PCDHGA3: variants seen among roughly 807,000 people sequenced by gnomAD.
The protein encoded by PCDHGA3 is protocadherin gamma-A3.
In PCDHGA3, 40 loss-of-function variants were observed where a neutral mutation model predicts 58.5. The observed-to-expected ratio is 0.68, with a 90% CI of 0.53 to 0.89. The LOEUF (loss-of-function observed/expected upper bound fraction) is 0.89, where lower values mean the gene tolerates loss of function less well. Among genes scored for constraint, PCDHGA3 ranks in the 40% least tolerant of loss-of-function variants. PCDHGA3 has a pLI of 0.00. For missense variants in PCDHGA3, 1,223 were observed against 1,195.9 expected (o/e 1.02, Z -0.33); for synonymous variants, 530 against 525.7 (o/e 1.01, Z -0.11).
intron 1 of PCDHGA3, chr5:141,365,548 A>G: frequency 6.2e-7 from 1 of 1,613,806 alleles, no homozygotes; most frequent in Non-Finnish European, 8.5e-7. Flanking sequence ...ACCTATTAAC[A>G]ACTAGGGACC....
chr5:141,481,207 C>T (rs1287298617), intron 1 of PCDHGA3, among the ~76,000 whole-genome samples: 3 of 152,154 alleles, frequency 2.0e-5, no homozygotes, highest in Non-Finnish European at 1.5e-5. Flanking sequence ...TTTTAAAAAA[C>T]ATGGTAAGGT....
At chr5:141,364,994 C>A (rs1469218354) in intron 1 of PCDHGA3, 1 of 1,613,924 alleles carries the variant, frequency 6.2e-7, no homozygotes, top group South Asian at 1.1e-5. Context: ...AGACCCGGTA[C>A]TCTCCGGCAC....
Position 141,476,209 on chromosome 5 carries a change from G to T in PCDHGA3, c.2425-18598G>T, listed in dbSNP as rs749576231. On this transcript the variant is annotated intron_variant, in intron 1 of 3. Coordinates refer to ENST00000253812, the MANE Select transcript of PCDHGA3 (RefSeq NM_018916.4). The surrounding 1 kb of genome is among the most constrained non-coding windows in gnomAD (Gnocchi z 7.6). ...TTGGTGCCTTGAACAAGGCTTCCAC[G>T]GTCATTCACTATGAGATCCCGGAGG... The T allele has an allele frequency of 6.2e-6, 10 of 1,613,974 alleles. No individual in the cohort carries two copies. Among genetic ancestry groups the T allele is most frequent in the Non-Finnish European group, 8.5e-6 (10 of 1,180,026 alleles).
intron 1 of PCDHGA3, chr5:141,382,631 T>G: frequency 2.7e-6 from 1 of 365,186 alleles, no homozygotes; most frequent in South Asian, 9.0e-5. Flanking sequence ...TGTGCATCAA[T>G]GTGGTGCAGT....
intron 1 of PCDHGA3, chr5:141,424,083 C>T (rs2096798692): frequency 4.2e-6 from 4 of 957,190 alleles, no homozygotes; most frequent in Non-Finnish European, 5.1e-6. Flanking sequence ...TATATTCCAC[C>T]ATTATTTGCT....
Position 141,431,877 on chromosome 5 carries a change from AC to A in PCDHGA3, c.2425-62928del. 1 of 1,614,230 alleles carries A rather than the reference AC, an allele frequency of 6.2e-7. No individual in the cohort carries two copies. The highest frequency in any genetic ancestry group is 1.3e-5 in the African/African-American group (1 of 75,070). ...TTAATTGCCCTTTTAAATGTAAATGACCAAGATTCTGAGGAAAACGGACAGG... is the reference window on the plus strand; with the variant it reads ...TTAATTGCCCTTTTAAATGTAAATGACAAGATTCTGAGGAAAACGGACAGG... On this transcript the variant is annotated intron_variant, in intron 1 of 3. Coordinates refer to ENST00000253812, the MANE Select transcript of PCDHGA3 (RefSeq NM_018916.4). The surrounding 1 kb of genome is among the most constrained non-coding windows in gnomAD (Gnocchi z 4.8).
chr5:141,369,621 C>T (rs1255765224), intron 1 of PCDHGA3, among the ~76,000 whole-genome samples: 2 of 152,294 alleles, frequency 1.3e-5, no homozygotes, highest in East Asian at 1.9e-4. Flanking sequence ...ATCATTTCCT[C>T]ATTACCTTTA....
intron 1 of PCDHGA3, among the ~76,000 whole-genome samples, chr5:141,358,035 A>C (rs1288596535): frequency 6.6e-6 from 1 of 152,126 alleles, no homozygotes; most frequent in Non-Finnish European, 1.5e-5. Context: ...ACTAAAATAC[A>C]AAAAGTTAGC....
chr5:141,350,265 A>G (rs1300733532), intron 1 of PCDHGA3: 2 of 1,510,306 alleles, frequency 1.3e-6, no homozygotes, highest in Admixed American at 2.3e-5. Context: ...CCTGAAATGC[A>G]GAGAGCCAGA....
At chr5:141,402,202 A>G (rs1223519214) in intron 1 of PCDHGA3, among the ~76,000 whole-genome samples, 1 of 152,138 alleles carries the variant, frequency 6.6e-6, no homozygotes. Flanking sequence ...CTTTTATAAT[A>G]CAAAAATTTA....
rs777115265 is a variant in PCDHGA3, at chr5:141,485,247, G to C, written c.2425-9560G>C. ...CTTTTGTTCCTCTTTTACCACCTGG[G>C]TTACGTTTGTGGGCAGATCCGCTAC... On this transcript the variant is annotated intron_variant, in intron 1 of 3. Coordinates refer to ENST00000253812, the MANE Select transcript of PCDHGA3 (RefSeq NM_018916.4). This position sits in a 1 kb window ranked among gnomAD's most constrained non-coding sequence, Gnocchi z 5.7. 8.7e-6 allele frequency: 14 copies of C among 1,614,156 alleles called. No homozygotes were observed. In the African/African-American group the frequency reaches 1.6e-4, roughly 18 times the overall value.
chr5:141,375,879 G>A, intron 1 of PCDHGA3: 1 of 1,613,144 alleles, frequency 6.2e-7, no homozygotes, highest in South Asian at 1.1e-5. Flanking sequence ...AGAGACTCGG[G>A]CCAGAACGCC....
chr5:141,478,272 A>T, intron 1 of PCDHGA3: 7 of 1,614,160 alleles, frequency 4.3e-6, no homozygotes, highest in Non-Finnish European at 5.9e-6. Context: ...AAAGTTTACA[A>T]GTGGAAGCAG....
intron 1 of PCDHGA3, chr5:141,423,830 G>A (rs527344048): frequency 5.5e-6 from 7 of 1,273,204 alleles, no homozygotes; most frequent in African/African-American, 3.1e-5. Flanking sequence ...CCTTTCATGA[G>A]ATTACGATAA....
intron 1 of PCDHGA3, chr5:141,385,577 T>C: frequency 1.6e-6 from 2 of 1,290,108 alleles, no homozygotes; most frequent in Non-Finnish European, 2.0e-6. Context: ...TACTTTCCAA[T>C]CTATGTTCCA....
intron 2 of PCDHGA3, 166 bp from the exon 3 acceptor site, chr5:141,505,227 T>C: frequency 1.2e-6 from 1 of 840,112 alleles, no homozygotes; most frequent in Non-Finnish European, 1.4e-6. Context: ...TGTGGGATTC[T>C]GGCTTCTGAA....
chr5:141,413,075 AG>A (rs1225722826), intron 1 of PCDHGA3: 11 of 1,246,492 alleles, frequency 8.8e-6, no homozygotes, highest in Non-Finnish European at 1.1e-5. Context: ...TAAAGTGCCC[AG>A]GCTACAGAGA....
chr5:141,397,695 C>T lies in PCDHGA3; in HGVS notation c.2424+51238C>T, dbSNP rs146807025. ...AATGTATGCAGGTTTGTATAAAAAC[C>T]CAACGTGATATTTCTAACAATTTGG... On this transcript the variant is annotated intron_variant, in intron 1 of 3. Coordinates refer to ENST00000253812, the MANE Select transcript of PCDHGA3 (RefSeq NM_018916.4). 1.4e-3 allele frequency among the ~76,000 whole-genome samples: 211 copies of T among 152,210 alleles called. 1 individual carries two copies. Among genetic ancestry groups the T allele is most frequent in the African/African-American group, 4.7e-3 (197 of 41,534 alleles).
chr5:141,495,010 G>A (rs1327870362), intron 2 of PCDHGA3, 145 bp downstream of exon 2: 6 of 1,516,970 alleles, frequency 4.0e-6, no homozygotes, highest in Non-Finnish European at 5.3e-6. Context: ...GTGTGCGGGG[G>A]GCTGGCACAC....
Sources: allele counts gnomAD v4.1 joint callset (sites outside exome capture counted in the v4.1 genomes callset), GRCh38; gene constraint gnomAD v4.1.1; non-coding constraint Gnocchi (gnomAD v3.1); transcripts MANE v1.5; gene names NCBI Gene and HGNC (gene_info 2026-07-23, HGNC 2026-07-21).